The following DOCK1 variants were observed in gnomAD, a reference collection of about 807,000 sequenced individuals.
The protein encoded by DOCK1 is dedicator of cytokinesis protein 1.
DOCK1 carries 138 observed loss-of-function variants against 262.7 expected under a neutral mutation model. The observed-to-expected ratio is 0.53, with a 90% CI of 0.46 to 0.61. The LOEUF (loss-of-function observed/expected upper bound fraction) is 0.61, where lower values mean the gene tolerates loss of function less well. Among genes scored for constraint, DOCK1 ranks in the 20% least tolerant of loss-of-function variants. DOCK1 has a pLI of 0.00. For missense variants in DOCK1, 1,908 were observed against 2,370.7 expected (o/e 0.80, Z 4.05); for synonymous variants, 866 against 867.4 (o/e 1.00, Z 0.03).
At chr10:127,127,548 AT>A in intron 26 of DOCK1, 120 bp from the exon 27 acceptor site, 1 of 620,626 alleles carries the variant, frequency 1.6e-6, no homozygotes, top group East Asian at 3.2e-5. Flanking sequence ...GCCATTTTTC[AT>A]CTCATTAAGG....
At chr10:127,023,433 C>A in intron 14 of DOCK1, 109 bp downstream of exon 14, 1 of 1,426,398 alleles carries the variant, frequency 7.0e-7, no homozygotes, top group East Asian at 2.5e-5. Flanking sequence ...TTTGGAGTCC[C>A]GTTTCTTGGG....
chr10:126,944,058 A>G (rs1360125819), intron 1 of DOCK1, among the ~76,000 whole-genome samples: 2 of 132,726 alleles, frequency 1.5e-5, no homozygotes, highest in Non-Finnish European at 3.1e-5. Flanking sequence ...CGGGAAGGAG[A>G]GGAGACAGGT....
intron 1 of DOCK1, among the ~76,000 whole-genome samples, chr10:126,961,541 C>G (rs1437246427): frequency 1.3e-5 from 2 of 152,198 alleles, no homozygotes; most frequent in Non-Finnish European, 2.9e-5. Context: ...TTACTTGTCT[C>G]TGAGTTTGAC....
At chr10:127,061,114 C>G (rs2045501336) in intron 22 of DOCK1, among the ~76,000 whole-genome samples, 4 of 152,086 alleles carry the variant, frequency 2.6e-5, no homozygotes, top group Admixed American at 1.3e-4. Flanking sequence ...TGTAATCCCA[C>G]CTACTTGGGA....
intron 27 of DOCK1, among the ~76,000 whole-genome samples, chr10:127,236,326 TC>T (rs960145112): frequency 9.0e-6 from 1 of 111,072 alleles, no homozygotes; most frequent in African/African-American, 3.4e-5. Flanking sequence ...TCTCCCTCCC[TC>T]CCCCTCTCCC....
chr10:127,317,420 A>G (rs1017490532), intron 29 of DOCK1, among the ~76,000 whole-genome samples: 1 of 152,220 alleles, frequency 6.6e-6, no homozygotes, highest in African/African-American at 2.4e-5. Context: ...TTTGTTTGCC[A>G]TATTCATGCA....
intron 31 of DOCK1, among the ~76,000 whole-genome samples, chr10:127,350,069 C>G (rs973541564): frequency 6.6e-6 from 1 of 152,130 alleles, no homozygotes; most frequent in African/African-American, 2.4e-5. Flanking sequence ...GACCAATAGA[C>G]TTTTCTTTTC....
At chr10:127,077,881 T>C (rs1358558592) in intron 23 of DOCK1, among the ~76,000 whole-genome samples, 1 of 151,016 alleles carries the variant, frequency 6.6e-6, no homozygotes, top group Non-Finnish European at 1.5e-5. Flanking sequence ...TGAGTTGAGA[T>C]GGGGGAGCAT....
intron 29 of DOCK1, among the ~76,000 whole-genome samples, chr10:127,338,706 CT>C (rs142835272): frequency 0.013 from 1,914 of 151,490 alleles, 55 homozygotes; most frequent in African/African-American, 0.043. Flanking sequence ...TAATTTGCAC[CT>C]TTTTTTTTCT....
At chr10:127,347,451 G>A (rs944183110) in intron 31 of DOCK1, among the ~76,000 whole-genome samples, 4 of 152,208 alleles carry the variant, frequency 2.6e-5, no homozygotes, top group Non-Finnish European at 2.9e-5. Context: ...TGGGCTTCCC[G>A]GCTGGGTGGT....
intron 27 of DOCK1, among the ~76,000 whole-genome samples, chr10:127,226,884 A>G (rs1417370276): frequency 6.6e-6 from 1 of 151,936 alleles, no homozygotes; most frequent in Non-Finnish European, 1.5e-5. Flanking sequence ...GAGGCATGCT[A>G]TTGCGTTCCC....
chr10:127,413,900 A>G (rs2068002721), intron 43 of DOCK1, among the ~76,000 whole-genome samples: 1 of 150,674 alleles, frequency 6.6e-6, no homozygotes. Flanking sequence ...TCCAAGATCC[A>G]AGTCAGTTTT....
intron 27 of DOCK1, 72 bp downstream of exon 27, chr10:127,127,836 A>G (rs2050061481): frequency 1.0e-5 from 14 of 1,348,816 alleles, no homozygotes; most frequent in Non-Finnish European, 1.4e-5. Context: ...TGCTGTTTGA[A>G]CATAGCTTAT....
chr10:126,924,681 G>A (rs73382577), intron 1 of DOCK1, among the ~76,000 whole-genome samples: 1 of 152,160 alleles, frequency 6.6e-6, no homozygotes, highest in East Asian at 1.9e-4. Context: ...TCATTTTGCA[G>A]TTTTCGTCTG....
chr10:127,017,542 CAG>C (rs1011962896), intron 12 of DOCK1, among the ~76,000 whole-genome samples: 1 of 124,876 alleles, frequency 8.0e-6, no homozygotes, highest in Non-Finnish European at 1.7e-5. Context: ...CATGGACACA[CAG>C]ACACACACAC....
rs77436070 is a variant in DOCK1, at chr10:127,170,584, C to T, written c.2847+42820C>T. ...AAATCTAAGAGGCAAAGAGCGCTGT[C>T]GGGGTTGCCACACTGTAGTTGCTGG... On this transcript the variant is annotated intron_variant, in intron 27 of 51. Coordinates refer to ENST00000623213, the MANE Select transcript of DOCK1 (RefSeq NM_001290223.2). Among the ~76,000 whole-genome samples the T allele has an allele frequency of 8.8e-3, 1,343 of 152,296 alleles. 26 individuals carry two copies. Among genetic ancestry groups the T allele is most frequent in the African/African-American group, 0.03 (1,263 of 41,562 alleles).
At chr10:127,046,582 C>T (rs1021192481) in intron 21 of DOCK1, among the ~76,000 whole-genome samples, 4 of 151,796 alleles carry the variant, frequency 2.6e-5, no homozygotes, top group African/African-American at 9.7e-5. Flanking sequence ...GGTGAAACCC[C>T]ATCCCTACTA....
chr10:127,451,129 G>A lies in DOCK1; in HGVS notation c.5566-203G>A, dbSNP rs540365245. 4.6e-5 allele frequency among the ~76,000 whole-genome samples: 7 copies of A among 152,202 alleles called. No individual in the cohort carries two copies. In the South Asian group the frequency reaches 1.5e-3, roughly 32 times the overall value. On this transcript the variant is annotated intron_variant, in intron 51 of 51. Coordinates refer to ENST00000623213, the MANE Select transcript of DOCK1 (RefSeq NM_001290223.2). Reference sequence around the variant, plus strand: ...AGACGGTGGGAGAGTGCTCAGAGGCGTCAGAAAGGCCCAGGCCCATAGCAG... The same window carrying A: ...AGACGGTGGGAGAGTGCTCAGAGGCATCAGAAAGGCCCAGGCCCATAGCAG...
At chr10:127,068,090 T>C (rs1685513339) in intron 23 of DOCK1, among the ~76,000 whole-genome samples, 1 of 152,300 alleles carries the variant, frequency 6.6e-6, no homozygotes, top group East Asian at 1.9e-4. Flanking sequence ...TATTCTGTAA[T>C]CTCAGTAAAT....
Sources: allele counts gnomAD v4.1 joint callset (sites outside exome capture counted in the v4.1 genomes callset), GRCh38; gene constraint gnomAD v4.1.1; transcripts MANE v1.5; gene names NCBI Gene and HGNC (gene_info 2026-07-23, HGNC 2026-07-21).